The following MAGI3 variants were observed in gnomAD, a reference collection of about 807,000 sequenced individuals.
The protein encoded by MAGI3 is membrane-associated guanylate kinase, WW and PDZ domain-containing protein 3.
Under a neutral mutation model 121.8 loss-of-function variants are expected in MAGI3, and 43 were observed. That is an observed-to-expected ratio of 0.35 (90% confidence interval 0.28 to 0.46). The LOEUF is 0.46. Ranked by LOEUF, MAGI3 falls within the 20% of genes least tolerant of loss-of-function variation. The probability of loss-of-function intolerance (pLI) is 1.00; values close to 1 mark genes in which losing one functional copy is unlikely to be tolerated. For missense variants in MAGI3, 1,547 were observed against 1,797.3 expected (o/e 0.86, Z 2.52); for synonymous variants, 553 against 639.3 (o/e 0.86, Z 2.04).
chr1:113,627,894 C>A (rs1365353147), intron 9 of MAGI3, among the ~76,000 whole-genome samples: 1 of 151,880 alleles, frequency 6.6e-6, no homozygotes, highest in Non-Finnish European at 1.5e-5. Context: ...TCCTTTATTT[C>A]CATTCTATGT....
chr1:113,624,496 C>G (rs1651097386), intron 9 of MAGI3, among the ~76,000 whole-genome samples: 1 of 152,146 alleles, frequency 6.6e-6, no homozygotes, highest in African/African-American at 2.4e-5. Context: ...GTTTCTATGT[C>G]TTCTATGTCT....
rs950174444 is a variant in MAGI3, at chr1:113,564,198, G to C, written c.433+14567G>C. 6.6e-5 allele frequency among the ~76,000 whole-genome samples: 10 copies of C among 152,196 alleles called. No individual in the cohort carries two copies. In the East Asian group the frequency reaches 1.7e-3, roughly 26 times the overall value. ...AAGAAGGGATTTCAGAATTGGTTTT[G>C]GTTGTCTTGGCTGATCTTACGTGGA... On this transcript the variant is annotated intron_variant, in intron 2 of 20. Transcript: ENST00000307546.
rs750851754 is a variant in MAGI3 at position 113,659,101 on chromosome 1, G to A, written c.2651G>A (p.Arg884Gln). 15 of 1,610,520 alleles carry A rather than the reference G, an allele frequency of 9.3e-6. No homozygotes were observed. Among genetic ancestry groups the A allele is most frequent in the Admixed American group, 6.8e-5 (4 of 59,234 alleles). ...PPGVIPHKIG[R>Q]VIEGSPADRC... The stretch of plus-strand genomic sequence containing the variant: ...ATAGTTATTCCTCATAAAATTGGCC[G>A]AGTCATAGAAGGAAGTCCGGCTGAC... Residue 884 changes from arginine (R) to glutamine (Q), a missense_variant, in exon 16 of 21, where the codon CGA becomes CAA. Arg to Gln is a conservative substitution (Grantham distance 43). Transcript: ENST00000307546.
chr1:113,629,738 C>G (rs1375387581), intron 9 of MAGI3, among the ~76,000 whole-genome samples: 1 of 67,668 alleles, frequency 1.5e-5, no homozygotes, highest in African/African-American at 5.3e-5. Context: ...CCCTCTCTCT[C>G]TCTCTCTCTC....
At chr1:113,479,222 G>C (rs72986641) in intron 1 of MAGI3, among the ~76,000 whole-genome samples, 1 of 152,246 alleles carries the variant, frequency 6.6e-6, no homozygotes, top group East Asian at 1.9e-4. Context: ...GTGACGTCTC[G>C]CCCTCCTTTG....
At chr1:113,513,923 A>C (rs1278450006) in intron 1 of MAGI3, among the ~76,000 whole-genome samples, 2 of 152,074 alleles carry the variant, frequency 1.3e-5, no homozygotes, top group African/African-American at 2.4e-5. Context: ...AACTCAAACA[A>C]ATTTACAAGA....
rs1206247078 is a variant in MAGI3, at chr1:113,437,348, T to C, written c.316+45999T>C. 3.9e-5 allele frequency among the ~76,000 whole-genome samples: 6 copies of C among 152,144 alleles called. No homozygotes were observed. The East Asian group carries it at 1.2e-3, about 29-fold the overall frequency. Reference sequence around the variant, plus strand: ...AATTAGAGCAAGTACATGTTATTTTTAAACTGATTACTAATTCAGTAATTC... The same window carrying C: ...AATTAGAGCAAGTACATGTTATTTTCAAACTGATTACTAATTCAGTAATTC... On this transcript the variant is annotated intron_variant, in intron 1 of 20. Coordinates refer to ENST00000307546, the MANE Select transcript of MAGI3 (RefSeq NM_001142782.2).
chr1:113,555,750 T>G (rs1430141908), intron 2 of MAGI3, among the ~76,000 whole-genome samples: 1 of 151,922 alleles, frequency 6.6e-6, no homozygotes, highest in East Asian at 1.9e-4. Flanking sequence ...AAAAATTTTT[T>G]TAATGAGGCA....
chr1:113,591,674 G>C (rs1648700232), intron 5 of MAGI3, among the ~76,000 whole-genome samples: 1 of 152,108 alleles, frequency 6.6e-6, no homozygotes, highest in African/African-American at 2.4e-5. Flanking sequence ...TACAAAGCAG[G>C]TACAACCAGG....
chr1:113,457,496 G>A (rs542060337), intron 1 of MAGI3, among the ~76,000 whole-genome samples: 1 of 152,246 alleles, frequency 6.6e-6, no homozygotes, highest in East Asian at 1.9e-4. Flanking sequence ...TGGAGGTCAT[G>A]TGCTGCCCCG....
At chr1:113,599,266 T>A (rs1396227039) in intron 6 of MAGI3, among the ~76,000 whole-genome samples, 2 of 151,996 alleles carry the variant, frequency 1.3e-5, no homozygotes, top group Non-Finnish European at 2.9e-5. Flanking sequence ...CTTCAAAAAA[T>A]TAATGAATCC....
In MAGI3 at chr1:113,684,843, T is replaced by G. The variant is rs1571052001; in HGVS notation, c.*829T>G. On this transcript the variant is annotated 3_prime_UTR_variant, in exon 21 of 21. Coordinates refer to ENST00000307546, the MANE Select transcript of MAGI3 (RefSeq NM_001142782.2). The stretch of plus-strand genomic sequence containing the variant: ...AATTATGAAACCATAAAGAAGCATG[T>G]GGAAATAGTGTTTATTGCTCTTTGA... 1 of 152,390 alleles carries G rather than the reference T, an allele frequency of 6.6e-6. No individual in the cohort carries two copies. The allele number at this position is 152,390 out of a possible 1,614,324, so 9.4% of individuals were successfully genotyped here. A position where few individuals can be genotyped will look rare whatever the true frequency, so the allele number is the denominator to read the frequency against.
In MAGI3 at chr1:113,578,841, GA is replaced by G. The variant is rs571500747; in HGVS notation, c.434-1692del. 3.5e-3 allele frequency among the ~76,000 whole-genome samples: 530 copies of G among 150,808 alleles called. 5 individuals are homozygous for G. Among genetic ancestry groups the G allele is most frequent in the African/African-American group, 0.012 (501 of 41,152 alleles). On this transcript the variant is annotated intron_variant, in intron 2 of 20. Transcript: ENST00000307546. ...ACAGGTAAAGAAATGCTTATTTTTA[GA>G]AAAAAAAATTGGGTTAAAAAATGGG...
In MAGI3 at chr1:113,642,190, C is replaced by T; in HGVS notation, c.1640C>T (p.Thr547Ile). 5.6e-6 allele frequency: 9 copies of T among 1,614,162 alleles called. No individual in the cohort carries two copies. Among genetic ancestry groups the T allele is most frequent in the Non-Finnish European group, 7.6e-6 (9 of 1,180,034 alleles). Residue 547 changes from threonine to isoleucine, a missense_variant, in exon 10 of 21, where the codon ACT (threonine) becomes ATT (isoleucine). Coordinates refer to ENST00000307546, the MANE Select transcript of MAGI3 (RefSeq NM_001142782.2). ...VLEQNGKSGH[T>I]LTGDGLNGPS... The stretch of plus-strand genomic sequence containing the variant: ...GAGCAGAATGGAAAATCGGGACACA[C>T]TTTGACTGGTGATGGTCTCAATGGA...
chr1:113,680,846 C>T (rs1168994684), intron 19 of MAGI3, among the ~76,000 whole-genome samples: 1 of 151,954 alleles, frequency 6.6e-6, no homozygotes, highest in African/African-American at 2.4e-5. Flanking sequence ...AAATCAAGAA[C>T]CAAATTCTAG....
At chr1:113,435,499 T>C (rs1653522875) in intron 1 of MAGI3, among the ~76,000 whole-genome samples, 1 of 152,112 alleles carries the variant, frequency 6.6e-6, no homozygotes, top group East Asian at 1.9e-4. Flanking sequence ...TAAGGAAAAT[T>C]TAGAGAAGTG....
chr1:113,450,108 G>A, intron 1 of MAGI3: 2 of 1,455,336 alleles, frequency 1.4e-6, no homozygotes, highest in Non-Finnish European at 1.9e-6. Context: ...AGAAGTTACG[G>A]AAGACAGGCA....
intron 1 of MAGI3, among the ~76,000 whole-genome samples, chr1:113,541,302 G>A (rs1034805107): frequency 5.3e-5 from 8 of 152,160 alleles, no homozygotes; most frequent in Admixed American, 6.5e-5. Flanking sequence ...GCCATAATTC[G>A]TAATATAGAC....
intron 1 of MAGI3, among the ~76,000 whole-genome samples, chr1:113,516,921 C>G (rs1033643203): frequency 2.6e-5 from 4 of 151,958 alleles, no homozygotes; most frequent in Admixed American, 2.6e-4. Context: ...AAACACATAA[C>G]CCCAGTCTCA....
Sources: allele counts gnomAD v4.1 joint callset (sites outside exome capture counted in the v4.1 genomes callset), GRCh38; gene constraint gnomAD v4.1.1; transcripts MANE v1.5; gene names NCBI Gene and HGNC (gene_info 2026-07-23, HGNC 2026-07-21).